Variants in FAR2 observed in about 807,000 individuals in gnomAD.
FAR2 encodes fatty acyl-CoA reductase 2.
Under a neutral mutation model 56.0 loss-of-function variants are expected in FAR2, and 19 were observed. The observed-to-expected ratio is 0.34, with a 90% CI of 0.24 to 0.50. FAR2 has a LOEUF of 0.50. Among genes scored for constraint, FAR2 ranks in the 20% least tolerant of loss-of-function variants. The pLI is 0.98. For synonymous variants in FAR2, 219 were observed against 218.8 expected (o/e 1.00, Z -0.01); for missense variants, 508 against 642.2 (o/e 0.79, Z 2.26).
intron 3 of FAR2, 195 bp downstream of exon 3, chr12:29,293,670 A>G (rs1424088985): frequency 9.7e-6 from 4 of 410,846 alleles, no homozygotes; most frequent in Non-Finnish European, 1.6e-5. Flanking sequence ...TTCTTTATGT[A>G]TCTATGATTA....
chr12:29,326,287 G>A (rs1255330238), intron 10 of FAR2, among the ~76,000 whole-genome samples: 1 of 152,088 alleles, frequency 6.6e-6, no homozygotes, highest in Non-Finnish European at 1.5e-5. Context: ...AAAAGTCCAG[G>A]ACCAGATGGA....
intron 5 of FAR2, 44 bp downstream of exon 5, chr12:29,307,879 G>A (rs766853804): frequency 6.4e-6 from 10 of 1,563,006 alleles, no homozygotes; most frequent in Non-Finnish European, 7.8e-6. Context: ...TCCAAACTAA[G>A]GTTCTTCTAG....
Position 29,227,218 on chromosome 12 carries a change from T to C in FAR2, c.-38-43194T>C, listed in dbSNP as rs550829529. Among the ~76,000 whole-genome samples, 267 of 152,304 alleles carry C rather than the reference T, an allele frequency of 1.8e-3. 10 individuals are homozygous for C. The South Asian group carries it at 0.054, about 31-fold the overall frequency. On this transcript the variant is annotated intron_variant, in intron 1 of 11. Transcript: ENST00000536681. ...TCACCAGATTTGACCCCTTTGATGC[T>C]GAGAGCTGGTAAAACATTTTATTTA... is the stretch of plus-strand genomic sequence containing the variant.
intron 1 of FAR2, among the ~76,000 whole-genome samples, chr12:29,264,246 G>GA (rs1948474131): frequency 5.3e-5 from 8 of 152,010 alleles, no homozygotes; most frequent in Admixed American, 5.2e-4. Flanking sequence ...AGTTAATGCT[G>GA]AAAAAAGCAT....
chr12:29,312,032 G>T, intron 8 of FAR2, 82 bp downstream of exon 8: 1 of 973,788 alleles, frequency 1.0e-6, no homozygotes, highest in South Asian at 1.5e-5. Flanking sequence ...ATGGAGCTTA[G>T]AGCTTATATG....
chr12:29,273,493 C>T (rs1948653482), intron 2 of FAR2, among the ~76,000 whole-genome samples: 1 of 152,196 alleles, frequency 6.6e-6, no homozygotes, highest in African/African-American at 2.4e-5. Flanking sequence ...GGGACCAAGC[C>T]ATCCAGCCTT....
intron 2 of FAR2, among the ~76,000 whole-genome samples, chr12:29,274,952 A>G (rs867247731): frequency 2.2e-5 from 3 of 133,690 alleles, no homozygotes; most frequent in Middle Eastern, 7.8e-3. Context: ...ATGGACGCGC[A>G]TGAAATTTGG....
intron 2 of FAR2, chr12:29,291,290 C>A: frequency 2.4e-6 from 1 of 418,068 alleles, no homozygotes; most frequent in South Asian, 1.7e-5. Context: ...ACCATCAGAT[C>A]CACCTGCAGA....
At chr12:29,199,967 A>G (rs1449963075) in intron 1 of FAR2, among the ~76,000 whole-genome samples, 2 of 152,210 alleles carry the variant, frequency 1.3e-5, no homozygotes, top group African/African-American at 2.4e-5. Flanking sequence ...AAACCCAATT[A>G]GATGTGAGTT....
At chr12:29,257,280 C>G (rs1430525705) in intron 1 of FAR2, among the ~76,000 whole-genome samples, 2 of 151,430 alleles carry the variant, frequency 1.3e-5, no homozygotes. Context: ...TCTGGTGGGG[C>G]CTTGGAGAAC....
At chr12:29,199,054 A>G (rs1185970088) in intron 1 of FAR2, among the ~76,000 whole-genome samples, 1 of 152,202 alleles carries the variant, frequency 6.6e-6, no homozygotes, top group Non-Finnish European at 1.5e-5. Flanking sequence ...CTGTAAAGGT[A>G]AAGGACATCA....
At chr12:29,268,617 T>A (rs1029571293) in intron 1 of FAR2, among the ~76,000 whole-genome samples, 11 of 152,194 alleles carry the variant, frequency 7.2e-5, no homozygotes, top group African/African-American at 1.9e-4. Context: ...CTCTACCCCC[T>A]GAGCAGCATA....
intron 1 of FAR2, among the ~76,000 whole-genome samples, chr12:29,241,576 G>A (rs1234008657): frequency 1.3e-5 from 2 of 151,988 alleles, no homozygotes; most frequent in Non-Finnish European, 2.9e-5. Context: ...CTCACACTGA[G>A]GTGTTTTTTG....
chr12:29,298,498 T>A (rs758388043), intron 4 of FAR2, among the ~76,000 whole-genome samples: 3 of 152,202 alleles, frequency 2.0e-5, no homozygotes, highest in Non-Finnish European at 2.9e-5. Context: ...TAGATATTTT[T>A]GTCTGTCATG....
chr12:29,193,053 A>T (rs966704482), intron 1 of FAR2, among the ~76,000 whole-genome samples: 1 of 152,200 alleles, frequency 6.6e-6, no homozygotes, highest in Non-Finnish European at 1.5e-5. Flanking sequence ...GAGGGTCAAA[A>T]GCTGACCTTG....
intron 1 of FAR2, chr12:29,223,940 G>A (rs958764761): frequency 3.3e-5 from 5 of 152,184 alleles, no homozygotes; most frequent in Admixed American, 2.0e-4. Context: ...TGTTGCTAAC[G>A]TTATTCACAG....
chr12:29,274,867 G>A (rs1948682465), intron 2 of FAR2, among the ~76,000 whole-genome samples: 1 of 150,668 alleles, frequency 6.6e-6, no homozygotes, highest in South Asian at 2.1e-4. Flanking sequence ...TCTCTTTTCG[G>A]ACTCAGCCCG....
chr12:29,194,041 T>C (rs1950124076), intron 1 of FAR2, among the ~76,000 whole-genome samples: 1 of 152,194 alleles, frequency 6.6e-6, no homozygotes, highest in African/African-American at 2.4e-5. Context: ...ATACAAAATC[T>C]TGGCATGTCA....
chr12:29,328,525 G>C (rs1282863527), intron 10 of FAR2, among the ~76,000 whole-genome samples: 1 of 152,154 alleles, frequency 6.6e-6, no homozygotes, highest in Non-Finnish European at 1.5e-5. Flanking sequence ...ACTGGATAAA[G>C]AAAATGTGGC....
Sources: allele counts gnomAD v4.1 joint callset (sites outside exome capture counted in the v4.1 genomes callset), GRCh38; gene constraint gnomAD v4.1.1; transcripts MANE v1.5; gene names NCBI Gene and HGNC (gene_info 2026-07-23, HGNC 2026-07-21).